The following RNF123 variants were observed in gnomAD, a reference collection of about 807,000 sequenced individuals.
RNF123 encodes the protein E3 ubiquitin-protein ligase RNF123.
Under a neutral mutation model 168.5 loss-of-function variants are expected in RNF123, and 86 were observed. That is an observed-to-expected ratio of 0.51 (90% CI 0.43 to 0.61). The LOEUF (loss-of-function observed/expected upper bound fraction) is 0.61, where lower values mean the gene tolerates loss of function less well. Ranked by LOEUF, RNF123 falls within the 20% of genes least tolerant of loss-of-function variation. The probability of loss-of-function intolerance (pLI) is 0.00; values close to 1 mark genes in which losing one functional copy is unlikely to be tolerated. For synonymous variants in RNF123, 666 were observed against 689.1 expected, an observed-to-expected ratio of 0.97 and a Z score of 0.52; for missense variants, 1,419 against 1,729.7, an observed-to-expected ratio of 0.82 and a Z score of 3.19.
chr3:49,692,320 T>A (rs778442881), intron 3 of RNF123, among the ~76,000 whole-genome samples: 1 of 152,230 alleles, frequency 6.6e-6, no homozygotes, highest in Non-Finnish European at 1.5e-5. Context: ...CTTTTCTGTT[T>A]CTTTCTTTGT....
Position 49,720,602 on chromosome 3 carries a change from C to A in RNF123, c.3592C>A (p.Pro1198Thr). 2 of 1,610,538 alleles carry A rather than the reference C, an allele frequency of 1.2e-6. No individual in the cohort carries two copies. The highest frequency in any genetic ancestry group is 1.7e-6 in the Non-Finnish European group (2 of 1,177,706). Residue 1198 changes from proline to threonine, a missense_variant, in exon 36 of 39, where the codon CCT becomes ACT. Pro to Thr is a conservative substitution (Grantham distance 38). Around this residue, in one of 5 missense-constraint regions of RNF123, gnomAD observed 164 missense variants for 152.3 expected, o/e 1.08. Coordinates refer to ENST00000327697, the MANE Select transcript of RNF123 (RefSeq NM_022064.5). ...YLLGQPEPPA[P>T]GTALPAPDRK... ...CCTGGGACAGCCAGAGCCCCCAGCA[C>A]CTGGCACTGCTCTGCCAGCCCCTGA... is the stretch of plus-strand genomic sequence containing the variant.
At position 49,716,157 on chromosome 3, in the gene RNF123, T is replaced by C. The variant is rs1490866935; in HGVS notation, c.3395T>C (p.Val1132Ala). ...VTAERNLFDR[V>A]VTLRLPGLES... ...GCTGAGAGGAACCTGTTTGATCGTGTGGTCACCCTACGGCTGCCTGGTGAG... is the reference window on the plus strand; with the variant it reads ...GCTGAGAGGAACCTGTTTGATCGTGCGGTCACCCTACGGCTGCCTGGTGAG... Residue 1132 changes from valine to alanine, a missense_variant, in exon 34 of 39, where the codon GTG becomes GCG. By Grantham distance (64) the Val-to-Ala change is moderately conservative. Around this residue, in one of 5 missense-constraint regions of RNF123, gnomAD observed 164 missense variants for 152.3 expected, o/e 1.08. Transcript: ENST00000327697. 6.2e-7 allele frequency: 1 copy of C among 1,613,706 alleles called. No individual in the cohort carries two copies. Among genetic ancestry groups the C allele is most frequent in the South Asian group, 1.1e-5 (1 of 91,048 alleles).
At chr3:49,696,860 G>C (rs374805608) in intron 3 of RNF123, among the ~76,000 whole-genome samples, 1 of 150,248 alleles carries the variant, frequency 6.7e-6, no homozygotes, top group Non-Finnish European at 1.5e-5. Flanking sequence ...TGGCCAGGCT[G>C]GTCTCGAACT....
At chr3:49,713,488 C>T in intron 27 of RNF123, 25 bp from the exon 28 acceptor site, 2 of 1,589,218 alleles carry the variant, frequency 1.3e-6, no homozygotes, top group Non-Finnish European at 1.7e-6. Flanking sequence ...TCCCAGCCGA[C>T]ACGTCTCACT....
At chr3:49,715,483 A>T (rs2080221417) in intron 31 of RNF123, 92 bp from the exon 32 acceptor site, 1 of 1,497,664 alleles carries the variant, frequency 6.7e-7, no homozygotes, top group Middle Eastern at 2.0e-4. Flanking sequence ...TTCTGTCCTT[A>T]TACCAAAGCC....
chr3:49,713,186 G>C, intron 27 of RNF123: 1 of 590,404 alleles, frequency 1.7e-6, no homozygotes, highest in Non-Finnish European at 3.0e-6. Flanking sequence ...CCAGCCACAG[G>C]CCTCAGTGCA....
intron 22 of RNF123, 47 bp from the exon 23 acceptor site, chr3:49,704,937 G>A: frequency 6.5e-7 from 1 of 1,545,154 alleles, no homozygotes; most frequent in Non-Finnish European, 8.8e-7. Context: ...CGTGGGCCAA[G>A]GGAACCCTGA....
Position 49,701,526 on chromosome 3 carries a change from T to G in RNF123, c.1313T>G (p.Ile438Ser). 6.2e-7 allele frequency: 1 copy of G among 1,613,790 alleles called. No homozygotes were observed. Among genetic ancestry groups the G allele is most frequent in the Non-Finnish European group, 8.5e-7 (1 of 1,180,008 alleles). Reference sequence around the variant, plus strand: ...CTCCGCTCCGTCGTCTTCTTTTACATCAAGAGCCCCCTGCGTGTGGAGGAG... The same window carrying G: ...CTCCGCTCCGTCGTCTTCTTTTACAGCAAGAGCCCCCTGCGTGTGGAGGAG... ...DVLRSVVFFY[I>S]KSPLRVEEAG... Residue 438 changes from isoleucine (I) to serine (S), a missense_variant, in exon 16 of 39, where the codon ATC (isoleucine) becomes AGC (serine). This residue lies in a region of RNF123 where 349 missense variants were observed against 344.9 expected (regional missense o/e 1.01). Coordinates refer to ENST00000327697, the MANE Select transcript of RNF123 (RefSeq NM_022064.5).
In RNF123 at chr3:49,700,210, G is replaced by A; in HGVS notation, c.985-17G>A. 3.1e-6 allele frequency: 5 copies of A among 1,613,832 alleles called. No individual in the cohort carries two copies. Among genetic ancestry groups the A allele is most frequent in the Admixed American group, 1.7e-5 (1 of 59,992 alleles). On this transcript the variant is annotated splice_polypyrimidine_tract_variant and intron_variant, in intron 12 of 38. Transcript: ENST00000327697. ...AGTGGAAGGCCACCACCTCACCAGT[G>A]CCTGGCCTTGGTGCAGCGCAAGGTG...
At chr3:49,710,177 G>A (rs2080117257) in intron 26 of RNF123, among the ~76,000 whole-genome samples, 1 of 152,002 alleles carries the variant, frequency 6.6e-6, no homozygotes, top group Non-Finnish European at 1.5e-5. Flanking sequence ...GGTAGGATAT[G>A]GTACCTTATT....
rs1034326670 is a variant in RNF123 at position 49,704,504 on chromosome 3, GGAGGGGCGA to G, written c.1853-144_1853-136del. On this transcript the variant is annotated intron_variant, in intron 21 of 38. Transcript: ENST00000327697. ...AGAGTGAAGGCTGGGTGGAGGAGGC[GGAGGGGCGA>G]GGGGCAGATACGGTGCTAAACCGGG... 8.0e-6 allele frequency: 5 copies of G among 624,300 alleles called. No individual in the cohort carries two copies. The African/African-American group carries it at 9.5e-5, about 12-fold the overall frequency. 38.7% of individuals were successfully genotyped at this position (624,300 alleles called of 1,614,324 possible).
chr3:49,711,405 G>T (rs1284074723), intron 26 of RNF123, among the ~76,000 whole-genome samples: 3 of 152,044 alleles, frequency 2.0e-5, no homozygotes, highest in Non-Finnish European at 4.4e-5. Flanking sequence ...TCTCACCAGG[G>T]TCTCTGTCTG....
intron 35 of RNF123, chr3:49,719,622 T>TCC: frequency 1.6e-6 from 1 of 643,342 alleles, no homozygotes; most frequent in Non-Finnish European, 2.7e-6. Context: ...ACTCTCCGGT[T>TCC]CCCAGGTTGT....
chr3:49,702,282 T>C, intron 18 of RNF123, 52 bp from the exon 19 acceptor site: 2 of 1,603,876 alleles, frequency 1.2e-6, no homozygotes, highest in Non-Finnish European at 1.7e-6. Flanking sequence ...GCCAGCCCAG[T>C]CTGGGCCTGC....
chr3:49,718,135 G>A (rs1412254601), intron 35 of RNF123: 1 of 1,613,350 alleles, frequency 6.2e-7, no homozygotes, highest in South Asian at 1.1e-5. Context: ...CTTGCGGCTG[G>A]GTGCGTCTGG....
At chr3:49,692,132 C>A (rs949570808) in intron 3 of RNF123, among the ~76,000 whole-genome samples, 1 of 152,152 alleles carries the variant, frequency 6.6e-6, no homozygotes, top group Admixed American at 6.6e-5. Flanking sequence ...GTAGTCCCAG[C>A]TGTTAGGGAG....
intron 15 of RNF123, 79 bp from the exon 16 acceptor site, chr3:49,701,412 G>A: frequency 9.0e-7 from 1 of 1,110,630 alleles, no homozygotes; most frequent in Non-Finnish European, 1.4e-6. Context: ...CACATCCAGG[G>A]ATGGGCTCCT....
intron 16 of RNF123, 82 bp from the exon 17 acceptor site, chr3:49,701,729 T>TG: frequency 6.8e-7 from 1 of 1,461,966 alleles, no homozygotes; most frequent in Admixed American, 1.9e-5. Flanking sequence ...GCCCTGGAGA[T>TG]GGAGTGTGGG....
At chr3:49,690,612 G>A (rs748382626) in intron 1 of RNF123, among the ~76,000 whole-genome samples, 3 of 152,266 alleles carry the variant, frequency 2.0e-5, no homozygotes, top group Admixed American at 6.5e-5. Flanking sequence ...GATAAAAGAA[G>A]GGAGGAACCC....
Sources: allele counts gnomAD v4.1 joint callset (sites outside exome capture counted in the v4.1 genomes callset), GRCh38; gene constraint gnomAD v4.1.1; regional missense constraint gnomAD v4.1.1; transcripts MANE v1.5; gene names NCBI Gene and HGNC (gene_info 2026-07-23, HGNC 2026-07-21).